SAE1: variants seen among roughly 807,000 people sequenced by gnomAD.
SAE1 encodes the protein SUMO1 activating enzyme subunit 1.
Under a neutral mutation model 40.6 loss-of-function variants are expected in SAE1, and 11 were observed. The ratio of observed to expected loss-of-function variants is 0.27; its 90% CI spans 0.17 to 0.45. The LOEUF is 0.45. Among genes scored for constraint, SAE1 ranks in the 20% least tolerant of loss-of-function variants. The probability of loss-of-function intolerance (pLI) is 1.00; values close to 1 mark genes in which losing one functional copy is unlikely to be tolerated. For synonymous variants in SAE1, 155 were observed against 154.3 expected, an observed-to-expected ratio of 1.00 and a Z score of -0.03; for missense variants, 373 against 427.3, an observed-to-expected ratio of 0.87 and a Z score of 1.12.
intron 6 of SAE1, among the ~76,000 whole-genome samples, chr19:47,183,196 G>A (rs928968302): frequency 6.6e-6 from 1 of 152,054 alleles, no homozygotes; most frequent in Non-Finnish European, 1.5e-5. Context: ...GATTACAGGC[G>A]TGAGCCACTG....
At chr19:47,133,952 TC>T (rs1202164134) in intron 1 of SAE1, among the ~76,000 whole-genome samples, 3 of 150,610 alleles carry the variant, frequency 2.0e-5, no homozygotes, top group African/African-American at 7.3e-5. Context: ...AACCTCTGCC[TC>T]CCAGGTTCAA....
At chr19:47,149,513 T>C (rs2058274578) in intron 2 of SAE1, among the ~76,000 whole-genome samples, 1 of 152,170 alleles carries the variant, frequency 6.6e-6, no homozygotes, top group African/African-American at 2.4e-5. Context: ...AGAGATTTAA[T>C]CCTTTAAACT....
chr19:47,149,163 CTTTTTTTTTTTTTTT>C (rs958403274), intron 2 of SAE1, among the ~76,000 whole-genome samples: 14 of 86,482 alleles, frequency 1.6e-4, no homozygotes, highest in Non-Finnish European at 2.9e-4. Flanking sequence ...CACTGGTCTA[CTTTTTTTTTTTTTTT>C]TTTTTTTTTT....
At chr19:47,182,874 A>G (rs2058519401) in intron 6 of SAE1, among the ~76,000 whole-genome samples, 1 of 152,196 alleles carries the variant, frequency 6.6e-6, no homozygotes, top group African/African-American at 2.4e-5. Flanking sequence ...CTTGAGGCCA[A>G]TAGTCCAAGA....
At chr19:47,193,837 A>G (rs904013658) in intron 6 of SAE1, among the ~76,000 whole-genome samples, 12 of 140,806 alleles carry the variant, frequency 8.5e-5, no homozygotes, top group African/African-American at 1.4e-4. Context: ...AAAAAAAAAA[A>G]AAAGAAAGAA....
At chr19:47,174,369 G>T (rs2123263093) in intron 6 of SAE1, among the ~76,000 whole-genome samples, 1 of 150,292 alleles carries the variant, frequency 6.7e-6, no homozygotes, top group South Asian at 2.1e-4. Flanking sequence ...AAGCGTATAG[G>T]TCAGTAATAA....
chr19:47,153,259 A>C (rs1051973335), intron 4 of SAE1, among the ~76,000 whole-genome samples: 1 of 151,942 alleles, frequency 6.6e-6, no homozygotes, highest in African/African-American at 2.4e-5. Context: ...CATGTTTTCA[A>C]GTTGAGAGAT....
chr19:47,163,289 A>G (rs1358040307), intron 5 of SAE1, among the ~76,000 whole-genome samples: 1 of 152,164 alleles, frequency 6.6e-6, no homozygotes, highest in Non-Finnish European at 1.5e-5. Context: ...TGTTAATAAT[A>G]AAATATTTGG....
chr19:47,154,965 A>C, intron 4 of SAE1, 149 bp from the exon 5 acceptor site: 1 of 627,460 alleles, frequency 1.6e-6, no homozygotes, highest in Non-Finnish European at 2.9e-6. Context: ...TCATGTTATC[A>C]ATGGCAGAGC....
intron 1 of SAE1, among the ~76,000 whole-genome samples, chr19:47,132,193 C>T (rs1023019581): frequency 4.6e-5 from 7 of 151,634 alleles, no homozygotes; most frequent in Non-Finnish European, 8.8e-5. Flanking sequence ...AAACTCCGGA[C>T]CTCAAGTGAT....
intron 6 of SAE1, among the ~76,000 whole-genome samples, chr19:47,190,206 G>A (rs2058570389): frequency 6.6e-6 from 1 of 152,136 alleles, no homozygotes. Flanking sequence ...CTAATTTTGT[G>A]CAGTGTTTTG....
At chr19:47,167,257 G>A (rs946430062) in intron 5 of SAE1, among the ~76,000 whole-genome samples, 2 of 145,532 alleles carry the variant, frequency 1.4e-5, no homozygotes, top group Non-Finnish European at 3.0e-5. Context: ...CCCGGCCTGC[G>A]CCCAGATAAT....
At chr19:47,184,298 G>A (rs1351072527) in intron 6 of SAE1, among the ~76,000 whole-genome samples, 1 of 152,148 alleles carries the variant, frequency 6.6e-6, no homozygotes, top group African/African-American at 2.4e-5. Flanking sequence ...TAAGAATGTG[G>A]TGACTTTTAA....
intron 2 of SAE1, among the ~76,000 whole-genome samples, chr19:47,145,537 G>A (rs1016458548): frequency 6.6e-6 from 1 of 152,130 alleles, no homozygotes; most frequent in Non-Finnish European, 1.5e-5. Flanking sequence ...GTGAAAATAA[G>A]TGCTGCTCTC....
At chr19:47,162,828 C>G (rs1312849747) in intron 5 of SAE1, among the ~76,000 whole-genome samples, 2 of 152,108 alleles carry the variant, frequency 1.3e-5, no homozygotes, top group East Asian at 3.9e-4. Flanking sequence ...CCCTTCTCTA[C>G]CAAAAATACA....
At chr19:47,134,498 T>C (rs942409947) in intron 1 of SAE1, among the ~76,000 whole-genome samples, 1 of 152,086 alleles carries the variant, frequency 6.6e-6, no homozygotes, top group African/African-American at 2.4e-5. Flanking sequence ...AATGTGCCTC[T>C]GGACATAGGT....
intron 5 of SAE1, among the ~76,000 whole-genome samples, chr19:47,161,033 ACT>A (rs1387962104): frequency 1.3e-5 from 2 of 151,568 alleles, no homozygotes; most frequent in Non-Finnish European, 2.9e-5. Context: ...ATGGGATGTA[ACT>A]CTGTAGCCCA....
chr19:47,189,283 C>T (rs2058564104), intron 6 of SAE1, among the ~76,000 whole-genome samples: 1 of 151,810 alleles, frequency 6.6e-6, no homozygotes, highest in Admixed American at 6.6e-5. Context: ...GGGGGCTGGG[C>T]GCAGTGGCTC....
At chr19:47,198,364 G>A (rs7250009) in intron 7 of SAE1, among the ~76,000 whole-genome samples, 2,303 of 152,076 alleles carry the variant, frequency 0.015, 44 homozygotes, top group African/African-American at 0.043. Context: ...CGCCTACCTT[G>A]GCCTCCCAAA....
Sources: allele counts gnomAD v4.1 joint callset (sites outside exome capture counted in the v4.1 genomes callset), GRCh38; gene constraint gnomAD v4.1.1; transcripts MANE v1.5; gene names NCBI Gene and HGNC (gene_info 2026-07-23, HGNC 2026-07-21).